The following ATM variants were observed in gnomAD, a reference collection of about 807,000 sequenced individuals.
ATM encodes the protein serine-protein kinase ATM.
ATM carries 308 observed loss-of-function variants against 387.0 expected under a neutral mutation model. That is an observed-to-expected ratio of 0.80 (90% CI 0.73 to 0.87). ATM has a LOEUF of 0.87. Among genes scored for constraint, ATM ranks in the 40% least tolerant of loss-of-function variants. ATM has a pLI of 0.00. For synonymous variants in ATM, 1,156 were observed against 1,187.3 expected (o/e 0.97, Z 0.54); for missense variants, 3,312 against 3,560.9 (o/e 0.93, Z 1.78).
In ATM at chr11:108,256,483, A is replaced by T. The variant is rs182441536; in HGVS notation, c.2250+143A>T. On this transcript the variant is annotated intron_variant, in intron 14 of 62. Transcript: ENST00000675843. ...TATTTATGTAATGTGAGAAGAAATT[A>T]TACTATGTATTTTTTAAATTGTTTT... 350 of 755,392 alleles carry T rather than the reference A, an allele frequency of 4.6e-4. 1 individual carries two copies. The Middle Eastern group carries it at 5.8e-3, about 13-fold the overall frequency. The allele number at this position is 755,392 out of a possible 1,614,324, so 46.8% of individuals were successfully genotyped here.
chr11:108,284,417 G>C lies in ATM; in HGVS notation c.3937G>C (p.Glu1313Gln), dbSNP rs3092841. Reference sequence around the variant, plus strand: ...AGACAGTGGGATGGCACAGCAAAGAGAGACTGCTACCAAGGTCTATGATAT... The same window carrying C: ...AGACAGTGGGATGGCACAGCAAAGACAGACTGCTACCAAGGTCTATGATAT... ...TRDSGMAQQR[E>Q]TATKVYDMLK... is the part of the protein sequence containing the mutation. Residue 1313 changes from glutamate to glutamine, a missense_variant, in exon 26 of 63, where the codon GAG becomes CAG. By Grantham distance (29) the Glu-to-Gln change is conservative. Around this residue, in one of 4 missense-constraint regions of ATM, gnomAD observed 1,791 missense variants for 1,804.5 expected, o/e 0.99. Transcript: ENST00000675843. 3.7e-6 allele frequency: 6 copies of C among 1,614,016 alleles called. No individual in the cohort carries two copies. Among genetic ancestry groups the C allele is most frequent in the African/African-American group, 1.3e-5 (1 of 75,044 alleles).
chr11:108,296,432 A>C (rs1036007443), intron 32 of ATM, among the ~76,000 whole-genome samples: 1 of 151,894 alleles, frequency 6.6e-6, no homozygotes, highest in Non-Finnish European at 1.5e-5. Context: ...TTGTATCTTT[A>C]GTAGAGACGG....
At chr11:108,329,513 CAATT>C (rs1471098222) in intron 49 of ATM, among the ~76,000 whole-genome samples, 1 of 151,992 alleles carries the variant, frequency 6.6e-6, no homozygotes, top group Non-Finnish European at 1.5e-5. Flanking sequence ...CTCCTGGACT[CAATT>C]GATTCTCCCC....
In ATM at chr11:108,271,430, C is replaced by T. The variant is rs770231708; in HGVS notation, c.3077+24C>T. ...TGGTAGGTACAGTCTATTTTGTGGT[C>T]CTATTTTTCTTTTGCTATCTGTGGA... On this transcript the variant is annotated intron_variant, in intron 20 of 62. Coordinates refer to ENST00000675843, the MANE Select transcript of ATM (RefSeq NM_000051.4). 5.0e-6 allele frequency: 8 copies of T among 1,613,532 alleles called. No individual in the cohort carries two copies. In the Admixed American group the frequency reaches 1.2e-4, roughly 24 times the overall value.
At chr11:108,309,925 T>C (rs1396945667) in intron 38 of ATM, among the ~76,000 whole-genome samples, 6 of 152,128 alleles carry the variant, frequency 3.9e-5, no homozygotes, top group Non-Finnish European at 4.4e-5. Flanking sequence ...ACAGGTTTTA[T>C]CAGATTCTCT....
In ATM at chr11:108,271,109, C is replaced by A. The variant is rs1377928885; in HGVS notation, c.2884C>A (p.Pro962Thr). Reference sequence around the variant, plus strand: ...GCTTCCTGGAGAAGAGTACCCCTTGCCAATGGAAGATGTTCTTGAACTTCT... The same window carrying A: ...GCTTCCTGGAGAAGAGTACCCCTTGACAATGGAAGATGTTCTTGAACTTCT... ...KELPGEEYPL[P>T]MEDVLELLKP... is the part of the protein sequence containing the mutation. Residue 962 changes from proline to threonine, a missense_variant, in exon 19 of 63, where the codon CCA (proline) becomes ACA (threonine). By Grantham distance (38) the Pro-to-Thr change is conservative (BLOSUM62 -1). Around this residue, in one of 4 missense-constraint regions of ATM, gnomAD observed 1,791 missense variants for 1,804.5 expected, o/e 0.99. Transcript: ENST00000675843. The A allele has an allele frequency of 6.2e-7, 1 of 1,614,006 alleles. No homozygotes were observed. The highest frequency in any genetic ancestry group is 1.1e-5 in the South Asian group (1 of 91,082).
intron 57 of ATM, among the ~76,000 whole-genome samples, chr11:108,345,538 T>A (rs1330793800): frequency 6.6e-6 from 1 of 152,148 alleles, no homozygotes; most frequent in Non-Finnish European, 1.5e-5. Flanking sequence ...GTGTGCTTCC[T>A]CCCCCAACAA....
intron 1 of ATM, chr11:108,224,696 ACTC>A (rs1337221871): frequency 6.6e-6 from 1 of 151,352 alleles, no homozygotes; most frequent in African/African-American, 2.4e-5. Flanking sequence ...TTTATTATAA[ACTC>A]CTCTGAGATA....
At chr11:108,239,887 G>T (rs188905419) in intron 5 of ATM, among the ~76,000 whole-genome samples, 4 of 152,134 alleles carry the variant, frequency 2.6e-5, no homozygotes, top group African/African-American at 7.2e-5. Context: ...TAACTAAAGC[G>T]CTTCTAATTT....
chr11:108,362,707 C>A (rs1470335578), intron 61 of ATM, among the ~76,000 whole-genome samples: 2 of 145,868 alleles, frequency 1.4e-5, no homozygotes, highest in African/African-American at 5.1e-5. Context: ...GAACAAAAAA[C>A]CAAACACCGC....
rs1057517302 is a variant in ATM at position 108,319,953 on chromosome 11, G to A, written c.6348-1G>A. The stretch of plus-strand genomic sequence containing the variant: ...ATTTTTTTCTTTGACTTATCTCACA[G>A]CAAAGAAGTAGAAGGAACCAGTTAC... On this transcript the variant is annotated splice_acceptor_variant, in intron 43 of 62. Coordinates refer to ENST00000675843, the MANE Select transcript of ATM (RefSeq NM_000051.4). LOFTEE classifies it high-confidence loss of function. The A allele has an allele frequency of 6.2e-7, 1 of 1,602,604 alleles. No homozygotes were observed.
At chr11:108,290,707 A>G (rs900771603) in intron 29 of ATM, 1 of 149,438 alleles carries the variant, frequency 6.7e-6, no homozygotes, top group African/African-American at 2.5e-5. Flanking sequence ...CTGTAGTTCT[A>G]GCTACTTAGG....
chr11:108,347,604 A>C (rs988393192), intron 59 of ATM, among the ~76,000 whole-genome samples: 3 of 152,274 alleles, frequency 2.0e-5, no homozygotes, highest in African/African-American at 4.8e-5. Context: ...AGAAAGAAAG[A>C]AAGCATAATT....
Position 108,294,778 on chromosome 11 carries a change from G to T in ATM, c.4777-149G>T, listed in dbSNP as rs150477735. The T allele has an allele frequency of 7.2e-5, 59 of 824,678 alleles. No homozygotes were observed. The African/African-American group carries it at 8.8e-4, about 12-fold the overall frequency. The allele number at this position is 824,678 out of a possible 1,614,324, so 51.1% of individuals were successfully genotyped here. A position where few individuals can be genotyped will look rare whatever the true frequency, so the allele number is the denominator to read the frequency against. ...AAACATTGTAGGGTTTGCAGTGGAA[G>T]AAATCATTTATTTCTTCCTTGATTA... On this transcript the variant is annotated intron_variant, in intron 31 of 62. Transcript: ENST00000675843.
chr11:108,251,870 C>G lies in ATM; in HGVS notation c.1641C>G (p.Thr547=), dbSNP rs864622141. 6.2e-7 allele frequency: 1 copy of G among 1,613,660 alleles called. No individual in the cohort carries two copies. ...PAVCCLTLAL[T]TSIVPGTVKM... The stretch of plus-strand genomic sequence containing the variant: ...TATGCTGTTTGACTTTGGCACTGAC[C>G]ACCAGTATAGTTCCAGGAACGGTAA... Residue 547 remains threonine (T), a synonymous_variant, in exon 11 of 63, where the codon ACC becomes ACG. Coordinates refer to ENST00000675843, the MANE Select transcript of ATM (RefSeq NM_000051.4).
chr11:108,296,532 G>A lies in ATM; in HGVS notation c.4910-755G>A, dbSNP rs146308281. 1.5e-4 allele frequency among the ~76,000 whole-genome samples: 23 copies of A among 152,196 alleles called. 1 individual carries two copies. Among genetic ancestry groups the A allele is most frequent in the South Asian group, 1.0e-3 (5 of 4,824 alleles). On this transcript the variant is annotated intron_variant, in intron 32 of 62. Transcript: ENST00000675843. ...CTCCCAAAGTGCTGGGATTACAGGC[G>A]TGAGCCACCACGCCTGGCCTAATTT...
intron 29 of ATM, among the ~76,000 whole-genome samples, chr11:108,292,281 C>A (rs570944089): frequency 6.6e-6 from 1 of 152,144 alleles, no homozygotes; most frequent in Non-Finnish European, 1.5e-5. Context: ...AGTAAAGTTA[C>A]CACAAAGCTT....
At chr11:108,313,326 A>C (rs944653927) in intron 40 of ATM, among the ~76,000 whole-genome samples, 1 of 152,062 alleles carries the variant, frequency 6.6e-6, no homozygotes, top group Non-Finnish European at 1.5e-5. Flanking sequence ...CCTCTTCCCT[A>C]TGTTCTCTTT....
chr11:108,365,066 T>C lies in ATM; in HGVS notation c.8851-16T>C, dbSNP rs1565607217. On this transcript the variant is annotated splice_polypyrimidine_tract_variant and intron_variant, in intron 61 of 62. Coordinates refer to ENST00000675843, the MANE Select transcript of ATM (RefSeq NM_000051.4). ...ATGTACATTGTTCTTTTAATACATA[T>C]GTTCTCTCTGTTTAGGTCCTTCTAT... 2 of 1,613,196 alleles carry C rather than the reference T, an allele frequency of 1.2e-6. No individual in the cohort carries two copies. The highest frequency in any genetic ancestry group is 1.7e-6 in the Non-Finnish European group (2 of 1,179,216).
Sources: gnomAD v4.1 joint callset for allele counts (sites outside exome capture counted in the v4.1 genomes callset) on GRCh38, gnomAD v4.1.1 for gene constraint, gnomAD v4.1.1 regional missense constraint, MANE v1.5 for transcripts, NCBI Gene and HGNC (gene_info 2026-07-23, HGNC 2026-07-21) for gene names.